The following CCL26 variants were observed in gnomAD, a reference collection of about 807,000 sequenced individuals.
CCL26 encodes the protein C-C motif chemokine 26.
CCL26 carries 10 observed loss-of-function variants against 10.7 expected under a neutral mutation model. That is an observed-to-expected ratio of 0.93 (90% confidence interval 0.57 to 1.58). CCL26 has a LOEUF of 1.58. Among genes scored for constraint, CCL26 ranks in the 40% most tolerant of loss-of-function variants. The pLI is 0.00. For missense variants in CCL26, 116 were observed against 111.0 expected (o/e 1.05, Z -0.20); for synonymous variants, 43 against 41.4 (o/e 1.04, Z -0.15).
intron 1 of CCL26, among the ~76,000 whole-genome samples, chr7:75,783,045 T>C (rs374795668): frequency 4.3e-4 from 66 of 152,256 alleles, no homozygotes; most frequent in African/African-American, 1.6e-3. Context: ...ACAGTTTCGT[T>C]CCGTGACTAG....
intron 2 of CCL26, 108 bp from the exon 3 acceptor site, chr7:75,769,897 C>A: frequency 1.4e-6 from 1 of 691,558 alleles, no homozygotes. Flanking sequence ...GGCCTTGCCA[C>A]AAACTTGTTG....
chr7:75,776,451 G>A (rs782461423), upstream of CCL26, among the ~76,000 whole-genome samples: 9 of 151,332 alleles, frequency 5.9e-5, no homozygotes, highest in Non-Finnish European at 7.4e-5. Context: ...TGAGGCAGGA[G>A]GATCGCTTGA....
upstream of CCL26, among the ~76,000 whole-genome samples, chr7:75,790,175 C>CT (rs1554530608): frequency 0.023 from 1,467 of 63,442 alleles, 15 homozygotes; most frequent in African/African-American, 0.035. Flanking sequence ...TCCTTCCTTC[C>CT]TTCCTTTCTT....
chr7:75,790,508 T>C (rs967894364), upstream of CCL26, among the ~76,000 whole-genome samples: 46 of 152,046 alleles, frequency 3.0e-4, no homozygotes, highest in African/African-American at 1.1e-3. Context: ...TAAGTGATCC[T>C]CCCACCTCAG....
At chr7:75,774,426 G>A (rs190152849), upstream of CCL26, among the ~76,000 whole-genome samples, 3 of 152,092 alleles carry the variant, frequency 2.0e-5, no homozygotes, top group African/African-American at 2.4e-5. Context: ...TGGGATTACA[G>A]GCATAAACCG....
At chr7:75,790,030 C>A (rs2115707809), upstream of CCL26, 1 of 139,378 alleles carries the variant, frequency 7.2e-6, no homozygotes, top group African/African-American at 2.7e-5. Flanking sequence ...TCCTTCCTTC[C>A]TTCCCTCCAT....
intron 1 of CCL26, among the ~76,000 whole-genome samples, chr7:75,778,029 A>G (rs973850046): frequency 6.6e-6 from 1 of 152,040 alleles, no homozygotes. Context: ...CGACATATTT[A>G]TTTCAATTAC....
rs782526716 is a variant in CCL26, at chr7:75,769,752, G to T, written c.226C>A (p.Pro76Thr). 6.2e-7 allele frequency: 1 copy of T among 1,611,838 alleles called. No individual in the cohort carries two copies. The highest frequency in any genetic ancestry group is 2.2e-5 in the East Asian group (1 of 44,876). Reference protein sequence around the residue: ...TKRGKKVCTHPRKKWVQKYIS... With the variant: ...TKRGKKVCTHTRKKWVQKYIS... ...TATTTTTGCACCCATTTTTTCCTTGGATGGGTACAGACTTTCTTGCCTCTT... is the reference window on the plus strand; with the variant it reads ...TATTTTTGCACCCATTTTTTCCTTGTATGGGTACAGACTTTCTTGCCTCTT... The change falls in exon 3 of 3, where the codon CCA (proline) becomes ACA (threonine). Residue 76 changes from proline to threonine, a missense_variant. Coordinates refer to ENST00000005180, the MANE Select transcript of CCL26 (RefSeq NM_001371938.1).
intron 1 of CCL26, among the ~76,000 whole-genome samples, chr7:75,787,651 C>CAGAAA (rs1803227890): frequency 3.6e-5 from 1 of 27,746 alleles, no homozygotes; most frequent in Non-Finnish European, 5.8e-5. Flanking sequence ...TCTCCAAAAG[C>CAGAAA]AAAAAAAAAA....
At chr7:75,775,690 C>A (rs1432103547), upstream of CCL26, among the ~76,000 whole-genome samples, 1 of 152,138 alleles carries the variant, frequency 6.6e-6, no homozygotes, top group African/African-American at 2.4e-5. Flanking sequence ...TGACCAGGAA[C>A]AAGGCCCTCA....
intron 1 of CCL26, among the ~76,000 whole-genome samples, chr7:75,787,836 A>C (rs1445615504): frequency 6.6e-6 from 1 of 151,974 alleles, no homozygotes; most frequent in Non-Finnish European, 1.5e-5. Context: ...TTAGTCCTTT[A>C]ATACCTGTTT....
chr7:75,786,511 G>C (rs370608773), intron 1 of CCL26, among the ~76,000 whole-genome samples: 2 of 152,082 alleles, frequency 1.3e-5, no homozygotes, highest in African/African-American at 4.8e-5. Flanking sequence ...GGGCTGAAAG[G>C]TTTCCTCCCT....
At chr7:75,773,430 A>G (rs1802872782), upstream of CCL26, among the ~76,000 whole-genome samples, 1 of 151,570 alleles carries the variant, frequency 6.6e-6, no homozygotes. Flanking sequence ...TCAAAAAAGA[A>G]AAAAAAATAG....
intron 1 of CCL26, among the ~76,000 whole-genome samples, chr7:75,784,782 A>G (rs1486411284): frequency 3.3e-5 from 5 of 151,942 alleles, no homozygotes; most frequent in Non-Finnish European, 4.4e-5. Flanking sequence ...AGCCTCCTTC[A>G]CATCCTCCCC....
Position 75,772,138 on chromosome 7 carries a change from G to A in CCL26, c.39C>T (p.Ala13=). 5.8e-6 allele frequency: 9 copies of A among 1,559,476 alleles called. No individual in the cohort carries two copies. The highest frequency in any genetic ancestry group is 6.9e-6 in the Non-Finnish European group (8 of 1,151,396). The change falls in exon 1 of 3, where the codon GCC becomes GCT. Residue 13 remains alanine (A), a synonymous_variant. Transcript: ENST00000005180. ...TTCCAAGGTGGAGACTCAGGAGGGA[G>A]GCCAGGAGCACAGCAGAGGCCAAGG... ...GLSLASAVLL[A]SLLSLHLGTA... is the part of the protein sequence containing the mutation.
At chr7:75,776,720 G>T (rs1802950455), upstream of CCL26, among the ~76,000 whole-genome samples, 1 of 152,132 alleles carries the variant, frequency 6.6e-6, no homozygotes, top group Non-Finnish European at 1.5e-5. Context: ...AGTCATCACA[G>T]AAATACACAC....
chr7:75,774,487 T>C (rs1554528514), upstream of CCL26, among the ~76,000 whole-genome samples: 1 of 151,788 alleles, frequency 6.6e-6, no homozygotes, highest in East Asian at 1.9e-4. Context: ...TGCTCTGTCA[T>C]CCAGGCTGGA....
chr7:75,772,524 G>A (rs11465329), upstream of CCL26, among the ~76,000 whole-genome samples: 886 of 152,142 alleles, frequency 5.8e-3, 3 homozygotes, highest in Middle Eastern at 0.014. Context: ...GGGCATGGTG[G>A]CAGGCAACTG....
At chr7:75,786,549 C>T (rs1803187508) in intron 1 of CCL26, among the ~76,000 whole-genome samples, 1 of 152,062 alleles carries the variant, frequency 6.6e-6, no homozygotes, top group African/African-American at 2.4e-5. Context: ...ATTAATGCCT[C>T]TTTAATAAAA....
Sources: gnomAD v4.1 joint callset for allele counts (sites outside exome capture counted in the v4.1 genomes callset) on GRCh38, gnomAD v4.1.1 for gene constraint, MANE v1.5 for transcripts, NCBI Gene and HGNC (gene_info 2026-07-23, HGNC 2026-07-21) for gene names.